MDFIC2: variants seen among roughly 807,000 people sequenced by gnomAD.
The protein encoded by MDFIC2 is myoD family inhibitor domain-containing protein 2.
In MDFIC2 at chr3:70,207,686, T is replaced by C. The variant is rs759461383; in HGVS notation, c.89-896A>G. On this transcript the variant is annotated intron_variant, in intron 2 of 3. Transcript: ENST00000567252. ...ATGATACAAATAAAAAACAATACAG[T>C]ATAACAACCACTTACATAGCATTTA... 3.5e-4 allele frequency among the ~76,000 whole-genome samples: 53 copies of C among 152,078 alleles called. 1 individual carries two copies. The highest frequency in any genetic ancestry group is 6.6e-4 in the Non-Finnish European group (45 of 67,954).
chr3:70,244,125 C>T (rs1425509930), intron 2 of MDFIC2, among the ~76,000 whole-genome samples: 1 of 152,196 alleles, frequency 6.6e-6, no homozygotes, highest in Non-Finnish European at 1.5e-5. Flanking sequence ...TTTTCTTTGG[C>T]TCAAATGGGA....
At chr3:70,296,478 T>C (rs187186233) in intron 2 of MDFIC2, among the ~76,000 whole-genome samples, 7 of 152,262 alleles carry the variant, frequency 4.6e-5, no homozygotes, top group East Asian at 1.9e-4. Context: ...CACCGTGACA[T>C]TGGTTAACAT....
intron 2 of MDFIC2, among the ~76,000 whole-genome samples, chr3:70,292,904 A>G (rs1311309800): frequency 4.6e-5 from 7 of 152,096 alleles, no homozygotes. Context: ...TAGCTTTAGA[A>G]TATTTATGAT....
chr3:70,298,089 T>C (rs541225082), intron 2 of MDFIC2, among the ~76,000 whole-genome samples: 2 of 152,200 alleles, frequency 1.3e-5, no homozygotes, highest in African/African-American at 4.8e-5. Context: ...CTGTGTATAA[T>C]ATAATTTTAT....
At chr3:70,200,167 C>T (rs1042443302) in intron 3 of MDFIC2, among the ~76,000 whole-genome samples, 1 of 152,200 alleles carries the variant, frequency 6.6e-6, no homozygotes, top group African/African-American at 2.4e-5. Context: ...CATTTTAGCT[C>T]TGGCCACCAT....
intron 2 of MDFIC2, among the ~76,000 whole-genome samples, chr3:70,234,835 A>T (rs917836844): frequency 3.9e-5 from 6 of 152,198 alleles, no homozygotes; most frequent in Non-Finnish European, 8.8e-5. Flanking sequence ...AGATGTCATC[A>T]CATGGAATGC....
chr3:70,222,487 G>A (rs1254408193), intron 2 of MDFIC2, among the ~76,000 whole-genome samples: 1 of 152,170 alleles, frequency 6.6e-6, no homozygotes, highest in Admixed American at 6.6e-5. Flanking sequence ...TGGATAGGTT[G>A]GTTTTCGGTA....
chr3:70,197,487 C>T (rs1701193882), intron 3 of MDFIC2, among the ~76,000 whole-genome samples: 1 of 152,188 alleles, frequency 6.6e-6, no homozygotes, highest in African/African-American at 2.4e-5. Context: ...CTCTGGGAAG[C>T]CACACAATTA....
intron 2 of MDFIC2, among the ~76,000 whole-genome samples, chr3:70,208,951 G>T (rs1199657320): frequency 6.6e-6 from 1 of 152,076 alleles, no homozygotes; most frequent in Admixed American, 6.6e-5. Flanking sequence ...ATCTGTCGTT[G>T]AAAGCAATTA....
intron 2 of MDFIC2, among the ~76,000 whole-genome samples, chr3:70,248,604 A>T (rs1385374806): frequency 6.6e-6 from 1 of 152,118 alleles, no homozygotes; most frequent in African/African-American, 2.4e-5. Flanking sequence ...AAGGGACAAG[A>T]TTGGATTAGA....
intron 2 of MDFIC2, among the ~76,000 whole-genome samples, chr3:70,248,502 G>C (rs1701729995): frequency 2.6e-5 from 4 of 152,056 alleles, no homozygotes; most frequent in Non-Finnish European, 4.4e-5. Context: ...GCATAGCTCA[G>C]AACTTGGAGG....
chr3:70,233,424 C>T (rs1308983439), intron 2 of MDFIC2, among the ~76,000 whole-genome samples: 1 of 152,114 alleles, frequency 6.6e-6, no homozygotes, highest in African/African-American at 2.4e-5. Flanking sequence ...AATCACTTGC[C>T]AGCTGGCATT....
intron 2 of MDFIC2, among the ~76,000 whole-genome samples, chr3:70,214,061 G>A (rs1701379138): frequency 6.6e-6 from 1 of 151,984 alleles, no homozygotes; most frequent in Admixed American, 6.6e-5. Context: ...GAGGGATGAA[G>A]GCTTCTAAAA....
intron 2 of MDFIC2, among the ~76,000 whole-genome samples, chr3:70,257,379 A>G (rs1044779057): frequency 1.3e-5 from 2 of 152,198 alleles, no homozygotes; most frequent in African/African-American, 2.4e-5. Flanking sequence ...GTCAGTAGCC[A>G]TCATTTCTTT....
chr3:70,288,156 G>T (rs1212355175), intron 2 of MDFIC2, among the ~76,000 whole-genome samples: 2 of 143,976 alleles, frequency 1.4e-5, no homozygotes, highest in South Asian at 4.8e-4. Flanking sequence ...ATGTTAGGGT[G>T]TCAATTTTGG....
intron 2 of MDFIC2, among the ~76,000 whole-genome samples, chr3:70,262,059 T>C (rs1701871717): frequency 6.6e-6 from 1 of 152,190 alleles, no homozygotes; most frequent in Non-Finnish European, 1.5e-5. Context: ...GTGTCCTTGC[T>C]GGTCAATCTC....
intron 2 of MDFIC2, among the ~76,000 whole-genome samples, chr3:70,286,095 G>T (rs1223180216): frequency 6.6e-6 from 1 of 152,184 alleles, no homozygotes; most frequent in African/African-American, 2.4e-5. Context: ...GTGTTTTGCT[G>T]CCATTGCTTT....
At chr3:70,205,750 A>G (rs943832334) in intron 3 of MDFIC2, 1 of 152,116 alleles carries the variant, frequency 6.6e-6, no homozygotes, top group African/African-American at 2.4e-5. Flanking sequence ...TTATTTTCAA[A>G]AAGTAAATAT....
intron 2 of MDFIC2, among the ~76,000 whole-genome samples, chr3:70,235,159 CAT>C (rs1701595086): frequency 1.3e-5 from 2 of 152,142 alleles, no homozygotes; most frequent in Non-Finnish European, 2.9e-5. Flanking sequence ...TGAACCTTTG[CAT>C]GAGGGGTTTA....
Sources: gnomAD v4.1 joint callset for allele counts (sites outside exome capture counted in the v4.1 genomes callset) on GRCh38, gnomAD v4.1.1 for gene constraint, MANE v1.5 for transcripts, NCBI Gene and HGNC (gene_info 2026-07-23, HGNC 2026-07-21) for gene names.